The following CREB3L1 variants were observed in gnomAD, a reference collection of about 807,000 sequenced individuals.
CREB3L1 encodes the protein cAMP responsive element binding protein 3 like 1, also known as cyclic AMP-responsive element-binding protein 3-like protein 1.
Under a neutral mutation model 54.5 loss-of-function variants are expected in CREB3L1, and 33 were observed. The ratio of observed to expected loss-of-function variants is 0.61; its 90% CI spans 0.46 to 0.81. CREB3L1 has a LOEUF of 0.81. CREB3L1 is among the 30% of genes least tolerant of loss of function. The pLI is 0.00. For synonymous variants in CREB3L1, 284 were observed against 286.4 expected, an observed-to-expected ratio of 0.99 and a Z score of 0.08; for missense variants, 656 against 673.3, an observed-to-expected ratio of 0.97 and a Z score of 0.29.
chr11:46,284,689 G>T (rs1320097719), intron 1 of CREB3L1, among the ~76,000 whole-genome samples: 23 of 151,908 alleles, frequency 1.5e-4, no homozygotes, highest in Non-Finnish European at 1.2e-4. Context: ...CACAGGGACT[G>T]GGGCCATGTT....
chr11:46,314,461 A>C (rs941131321), intron 8 of CREB3L1, among the ~76,000 whole-genome samples: 57 of 152,002 alleles, frequency 3.7e-4, no homozygotes, highest in African/African-American at 1.3e-3. Flanking sequence ...ATCATAGCTC[A>C]CTGCAGCCTC....
At chr11:46,319,658 A>C (rs1365069212) in intron 10 of CREB3L1, among the ~76,000 whole-genome samples, 1 of 152,040 alleles carries the variant, frequency 6.6e-6, no homozygotes, top group African/African-American at 2.4e-5. Context: ...TGGGAGGATC[A>C]CTTGAGGCCC....
intron 2 of CREB3L1, among the ~76,000 whole-genome samples, chr11:46,305,806 C>G (rs1181634722): frequency 6.8e-6 from 1 of 147,738 alleles, no homozygotes; most frequent in Non-Finnish European, 1.5e-5. Flanking sequence ...GGCGCAATCT[C>G]GGCTCACTGC....
At chr11:46,299,053 C>T (rs1939253058) in intron 1 of CREB3L1, among the ~76,000 whole-genome samples, 1 of 152,168 alleles carries the variant, frequency 6.6e-6, no homozygotes, top group African/African-American at 2.4e-5. Context: ...TTACCAAGTA[C>T]ACACATGTGC....
chr11:46,307,193 C>T (rs1297224249), intron 2 of CREB3L1, among the ~76,000 whole-genome samples: 2 of 152,096 alleles, frequency 1.3e-5, no homozygotes, highest in Non-Finnish European at 2.9e-5. Flanking sequence ...AGTGATTCTC[C>T]CACCTCAGCC....
intron 8 of CREB3L1, among the ~76,000 whole-genome samples, chr11:46,313,552 G>C (rs917371347): frequency 3.2e-4 from 49 of 152,198 alleles, no homozygotes; most frequent in African/African-American, 1.1e-3. Context: ...TGGGCGTGGT[G>C]GTGGGCGCCT....
chr11:46,320,411 A>C lies in CREB3L1; in HGVS notation c.1406A>C (p.His469Pro). Residue 469 changes from histidine to proline, a missense_variant, in exon 11 of 12, where the codon CAT becomes CCT. This residue lies in a region of CREB3L1 where 240 missense variants were observed against 219.8 expected (regional missense o/e 1.09). Transcript: ENST00000621158. The stretch of plus-strand genomic sequence containing the variant: ...CAGCGGCCCCGGGACCACCTGCAGC[A>C]TGATCACCTGGACAGCACCCACGAG... ...AEQRPRDHLQ[H>P]DHLDSTHETT... The C allele has an allele frequency of 1.2e-6, 2 of 1,611,398 alleles. No homozygotes were observed. The highest frequency in any genetic ancestry group is 1.3e-5 in the African/African-American group (1 of 74,950).
intron 1 of CREB3L1, among the ~76,000 whole-genome samples, chr11:46,297,428 G>A (rs773326386): frequency 6.9e-6 from 1 of 144,394 alleles, no homozygotes. Context: ...GAAGGCAGCA[G>A]GTGAACAGGG....
intron 1 of CREB3L1, among the ~76,000 whole-genome samples, chr11:46,297,772 T>G (rs1231470188): frequency 6.6e-6 from 1 of 152,324 alleles, no homozygotes; most frequent in East Asian, 1.9e-4. Context: ...AGGCTTTGTT[T>G]GGAGGGAAAG....
chr11:46,297,867 C>T (rs796346811), intron 1 of CREB3L1, among the ~76,000 whole-genome samples: 41 of 152,284 alleles, frequency 2.7e-4, no homozygotes, highest in African/African-American at 9.1e-4. Flanking sequence ...TTCATGATGA[C>T]GATAACTAAC....
At chr11:46,288,030 T>G (rs1939080324) in intron 1 of CREB3L1, among the ~76,000 whole-genome samples, 1 of 152,154 alleles carries the variant, frequency 6.6e-6, no homozygotes, top group African/African-American at 2.4e-5. Flanking sequence ...CGGGCATTTA[T>G]CCTTTGTGTT....
chr11:46,312,237 G>A (rs1289168390), intron 5 of CREB3L1, 88 bp from the exon 6 acceptor site: 1 of 1,157,990 alleles, frequency 8.6e-7, no homozygotes, highest in Non-Finnish European at 1.2e-6. Context: ...TGTGTGCCTT[G>A]CCCAGGTCAT....
At chr11:46,309,055 C>T (rs1939446148) in intron 3 of CREB3L1, among the ~76,000 whole-genome samples, 1 of 152,154 alleles carries the variant, frequency 6.6e-6, no homozygotes, top group Admixed American at 6.5e-5. Context: ...GAAGCCCACG[C>T]GAGTGAGGTC....
At position 46,307,893 on chromosome 11, in the gene CREB3L1, C is replaced by T. The variant is rs562730692; in HGVS notation, c.409C>T (p.Pro137Ser). The T allele has an allele frequency of 1.9e-6, 3 of 1,580,382 alleles. No individual in the cohort carries two copies. The highest frequency in any genetic ancestry group is 4.7e-5 in the East Asian group (2 of 42,532). ...GAAGCAGGAGCAGAGCCCGGAGCTG[C>T]CCGTGGACCCTCTGGCTGCCCCCTC... ...MVKQEQSPEL[P>S]VDPLAAPSAM... Residue 137 changes from proline (P) to serine (S), a missense_variant, in exon 3 of 12, where the codon CCC becomes TCC. Transcript: ENST00000621158.
chr11:46,312,330 A>G lies in CREB3L1; in HGVS notation c.759A>G (p.Leu253=). 6.3e-7 allele frequency: 1 copy of G among 1,593,076 alleles called. No homozygotes were observed. Among genetic ancestry groups the G allele is most frequent in the African/African-American group, 1.3e-5 (1 of 74,486 alleles). Reference sequence around the variant, plus strand: ...CCACATCATACTTCCTACAGAAATTACAGGGGACATCAGGGCCACTGCTCC... The same window carrying G: ...CCACATCATACTTCCTACAGAAATTGCAGGGGACATCAGGGCCACTGCTCC... ...TSPLLTAPHK[L]QGTSGPLLLT... is the part of the protein sequence containing the mutation. The change falls in exon 6 of 12, where the codon TTA becomes TTG. Residue 253 remains leucine (L), a synonymous_variant. Coordinates refer to ENST00000621158, the MANE Select transcript of CREB3L1 (RefSeq NM_052854.4).
intron 1 of CREB3L1, among the ~76,000 whole-genome samples, chr11:46,281,714 AC>A (rs1054415431): frequency 1.3e-5 from 2 of 152,014 alleles, no homozygotes; most frequent in African/African-American, 4.8e-5. Flanking sequence ...AGGCACCCCC[AC>A]CCCCAGCCTT....
At chr11:46,309,881 C>T in intron 3 of CREB3L1, 108 bp from the exon 4 acceptor site, 1 of 837,562 alleles carries the variant, frequency 1.2e-6, no homozygotes, top group Admixed American at 2.2e-5. Context: ...CCAGCCACTT[C>T]CCCAACTGTG....
intron 1 of CREB3L1, among the ~76,000 whole-genome samples, chr11:46,280,021 G>C (rs1045990967): frequency 6.6e-6 from 1 of 152,154 alleles, no homozygotes; most frequent in African/African-American, 2.4e-5. Context: ...TCTCGCACCT[G>C]GGGCAGCGCC....
At chr11:46,296,951 G>C (rs1939219772) in intron 1 of CREB3L1, among the ~76,000 whole-genome samples, 1 of 152,204 alleles carries the variant, frequency 6.6e-6, no homozygotes, top group African/African-American at 2.4e-5. Flanking sequence ...CTGAGCCAAG[G>C]CCTTCAGGGA....
Sources: allele counts gnomAD v4.1 joint callset (sites outside exome capture counted in the v4.1 genomes callset), GRCh38; gene constraint gnomAD v4.1.1; regional missense constraint gnomAD v4.1.1; transcripts MANE v1.5; gene names NCBI Gene and HGNC (gene_info 2026-07-23, HGNC 2026-07-21).